The following CYREN variants were observed in gnomAD, a reference collection of about 807,000 sequenced individuals.
CYREN encodes cell cycle regulator of non-homologous end joining.
Under a neutral mutation model 9.7 loss-of-function variants are expected in CYREN, and 7 were observed. The observed-to-expected ratio is 0.72, with a 90% confidence interval of 0.41 to 1.36. The LOEUF is 1.36. CYREN is among the 40% of genes most tolerant of loss of function. The pLI, the probability that CYREN is intolerant of heterozygous loss-of-function variation, is 0.01. For synonymous variants in CYREN, 76 were observed against 77.9 expected, an observed-to-expected ratio of 0.98 and a Z score of 0.13; for missense variants, 215 against 198.1, an observed-to-expected ratio of 1.09 and a Z score of -0.51.
At chr7:135,113,492 T>C (rs1825913375) in intron 2 of CYREN, among the ~76,000 whole-genome samples, 1 of 152,240 alleles carries the variant, frequency 6.6e-6, no homozygotes. Flanking sequence ...AAGCACAGTG[T>C]ATTTCTTGCT....
chr7:135,165,065 C>T (rs1271008852), downstream of CYREN: 5 of 1,491,994 alleles, frequency 3.4e-6, no homozygotes, highest in Non-Finnish European at 4.5e-6. Context: ...GCTCAGCCAT[C>T]TCATTTTACA....
chr7:135,103,708 A>C (rs2117053834), intron 2 of CYREN, among the ~76,000 whole-genome samples: 1 of 152,266 alleles, frequency 6.6e-6, no homozygotes, highest in South Asian at 2.1e-4. Flanking sequence ...TGAAAGTTGG[A>C]ATCTGGACAG....
chr7:135,169,551 A>G (rs927970322), intron 1 of CYREN: 1 of 152,276 alleles, frequency 6.6e-6, no homozygotes, highest in African/African-American at 2.4e-5. Flanking sequence ...CCCTTAAGCT[A>G]AAGATACTTC....
chr7:135,157,502 G>A (rs957564849), intron 2 of CYREN, among the ~76,000 whole-genome samples: 3 of 152,226 alleles, frequency 2.0e-5, no homozygotes, highest in Non-Finnish European at 4.4e-5. Context: ...AGCAGCTTAC[G>A]CTGCTCTGGT....
At chr7:135,152,957 C>T (rs943886742) in intron 2 of CYREN, 2 of 152,114 alleles carry the variant, frequency 1.3e-5, no homozygotes, top group Admixed American at 6.5e-5. Flanking sequence ...GACTAATATC[C>T]AGAATCTACA....
chr7:135,130,558 T>C lies in CYREN; in HGVS notation n.357-35976A>G, dbSNP rs539228820. Among the ~76,000 whole-genome samples the C allele has an allele frequency of 9.3e-3, 385 of 41,344 alleles. 1 individual carries two copies. The highest frequency in any genetic ancestry group is 0.043 in the Middle Eastern group (2 of 46). The allele number at this position is 41,344 out of a possible 152,430, so 27.1% of individuals were successfully genotyped here. On this transcript the variant is annotated intron_variant and non_coding_transcript_variant, in intron 2 of 2. Coordinates refer to the CYREN transcript ENST00000459937. ...TCTTAATATTAATTCCAGCAACACA[T>C]GTTTTTATTTCCTCTGCTGGAATAG...
intron 2 of CYREN, among the ~76,000 whole-genome samples, chr7:135,097,798 G>A (rs750697512): frequency 5.9e-5 from 9 of 152,068 alleles, no homozygotes; most frequent in East Asian, 1.9e-4. Context: ...TGACAAAGAC[G>A]TGTATGGTAA....
chr7:135,164,486 G>A (rs764896666), downstream of CYREN: 4 of 1,606,080 alleles, frequency 2.5e-6, no homozygotes, highest in African/African-American at 1.3e-5. Context: ...TGCTGTTCAT[G>A]AGCATCATAG....
rs529369083 is a variant in CYREN at position 135,121,596 on chromosome 7, C to T, written n.357-27014G>A. On this transcript the variant is annotated intron_variant and non_coding_transcript_variant, in intron 2 of 2. Transcript: ENST00000459937. ...AAACATTTGGAAACTAAATAACACA[C>T]TTCTGAATAAATCGTGAGTCAAAAA... is the stretch of plus-strand genomic sequence containing the variant. 1.9e-4 allele frequency among the ~76,000 whole-genome samples: 29 copies of T among 151,224 alleles called. No individual in the cohort carries two copies. In the South Asian group the frequency reaches 5.7e-3, roughly 29 times the overall value.
intron 2 of CYREN, among the ~76,000 whole-genome samples, chr7:135,121,332 T>C (rs563129990): frequency 2.6e-5 from 4 of 152,256 alleles, no homozygotes; most frequent in African/African-American, 9.6e-5. Flanking sequence ...TATAAAATAA[T>C]TCAACAAGAA....
At chr7:135,134,951 GGGTCCAGTCTAA>G in intron 2 of CYREN, 1 of 1,551,128 alleles carries the variant, frequency 6.4e-7, no homozygotes, top group Non-Finnish European at 8.7e-7. Context: ...TCTTCAGAAT[GGGTCCAGTCTAA>G]GCCCCACAGG....
intron 2 of CYREN, among the ~76,000 whole-genome samples, chr7:135,113,542 C>T (rs1405548163): frequency 2.0e-5 from 3 of 152,134 alleles, no homozygotes; most frequent in South Asian, 2.1e-4. Flanking sequence ...ATGCTGTCTA[C>T]GGACCAATTT....
intron 2 of CYREN, among the ~76,000 whole-genome samples, chr7:135,146,426 T>C (rs1189940082): frequency 6.6e-6 from 1 of 151,878 alleles, no homozygotes; most frequent in Non-Finnish European, 1.5e-5. Flanking sequence ...CACAGAGACA[T>C]GAAGTGAGCA....
At chr7:135,128,864 G>C (rs1828327555) in intron 2 of CYREN, 1 of 1,262,610 alleles carries the variant, frequency 7.9e-7, no homozygotes, top group Non-Finnish European at 1.2e-6. Flanking sequence ...ATATGATCCA[G>C]GAAATCTTGG....
At position 135,134,893 on chromosome 7, in the gene CYREN, G is replaced by C. The variant is rs893666876; in HGVS notation, n.356+33856C>G. ...AAAGAAATACAGCACATCTTGGACA[G>C]CACCCAGAAATCACCCTTTTGTAAT... On this transcript the variant is annotated intron_variant and non_coding_transcript_variant, in intron 2 of 2. Coordinates refer to the CYREN transcript ENST00000459937. The C allele has an allele frequency of 7.7e-6, 12 of 1,551,048 alleles. No homozygotes were observed. In the African/African-American group the frequency reaches 1.4e-4, roughly 18 times the overall value.
At chr7:135,130,092 T>A (rs1430837217) in intron 2 of CYREN, among the ~76,000 whole-genome samples, 1 of 152,218 alleles carries the variant, frequency 6.6e-6, no homozygotes, top group Non-Finnish European at 1.5e-5. Context: ...GTTCCCTCAG[T>A]ACTACTCCTT....
In CYREN at chr7:135,148,659, C is replaced by T. The variant is rs1158589262; in HGVS notation, n.356+20090G>A. On this transcript the variant is annotated intron_variant and non_coding_transcript_variant, in intron 2 of 2. Transcript: ENST00000459937. ...GAAATAGGTAAACAAAAGCAGGTCACCGACCAACACTAACTAAACCACTAT... is the reference window on the plus strand; with the variant it reads ...GAAATAGGTAAACAAAAGCAGGTCATCGACCAACACTAACTAAACCACTAT... Among the ~76,000 whole-genome samples the T allele has an allele frequency of 2.6e-5, 4 of 152,166 alleles. No homozygotes were observed. The South Asian group carries it at 8.3e-4, about 32-fold the overall frequency.
chr7:135,102,077 T>G (rs1421102419), intron 2 of CYREN, among the ~76,000 whole-genome samples: 2 of 152,324 alleles, frequency 1.3e-5, no homozygotes, highest in East Asian at 3.9e-4. Flanking sequence ...ATTAAACCTC[T>G]TTTCCTTTAT....
chr7:135,141,719 C>T (rs999602146), intron 2 of CYREN, among the ~76,000 whole-genome samples: 1 of 152,092 alleles, frequency 6.6e-6, no homozygotes, highest in Non-Finnish European at 1.5e-5. Context: ...CCTGCTTTAG[C>T]TGTGTCCCAG....
Sources: allele counts gnomAD v4.1 joint callset (sites outside exome capture counted in the v4.1 genomes callset), GRCh38; gene constraint gnomAD v4.1.1; transcripts MANE v1.5; gene names NCBI Gene and HGNC (gene_info 2026-07-23, HGNC 2026-07-21).